Variants in CSMD1 observed in about 807,000 individuals in gnomAD.
CSMD1 encodes the protein CUB and sushi domain-containing protein 1.
Under a neutral mutation model 417.5 loss-of-function variants are expected in CSMD1, and 213 were observed. The ratio of observed to expected loss-of-function variants is 0.51; its 90% CI spans 0.46 to 0.57. The LOEUF is 0.57. Among genes scored for constraint, CSMD1 ranks in the 20% least tolerant of loss-of-function variants. CSMD1 has a pLI of 0.00. For synonymous variants in CSMD1, 2,862 were observed against 1,736.8 expected, an observed-to-expected ratio of 1.65 and a Z score of -16.11; for missense variants, 6,923 against 4,529.7, an observed-to-expected ratio of 1.53 and a Z score of -15.17.
rs566891126 is a variant in CSMD1, at chr8:4,327,546, T to C, written c.415+92407A>G. ...GTGTCAGGCTGTTCCAGCTCCAATG[T>C]TGGCTTTCCTGTGGGGCGCTCATCA... On this transcript the variant is annotated intron_variant, in intron 3 of 69. Coordinates refer to ENST00000635120, the MANE Select transcript of CSMD1 (RefSeq NM_033225.6). 7.9e-4 allele frequency among the ~76,000 whole-genome samples: 120 copies of C among 152,248 alleles called. 1 individual carries two copies. The highest frequency in any genetic ancestry group is 9.7e-4 in the Non-Finnish European group (66 of 68,018).
At chr8:2,943,651 A>C (rs1802036594) in intron 68 of CSMD1, among the ~76,000 whole-genome samples, 1 of 152,228 alleles carries the variant, frequency 6.6e-6, no homozygotes, top group South Asian at 2.1e-4. Flanking sequence ...GAAAGCAATA[A>C]AAACTCAAAT....
intron 3 of CSMD1, among the ~76,000 whole-genome samples, chr8:4,072,480 A>T (rs1012626482): frequency 3.9e-5 from 6 of 152,188 alleles, no homozygotes; most frequent in Non-Finnish European, 7.3e-5. Flanking sequence ...CTTGTAGTGA[A>T]GGGAATTGTG....
chr8:4,954,680 T>C (rs979058250), intron 1 of CSMD1, among the ~76,000 whole-genome samples: 16 of 152,344 alleles, frequency 1.1e-4, no homozygotes, highest in Non-Finnish European at 1.8e-4. Context: ...TGTGTGTGAA[T>C]GTTCCTTATA....
At chr8:3,251,166 A>G (rs2117031908) in intron 26 of CSMD1, among the ~76,000 whole-genome samples, 1 of 152,232 alleles carries the variant, frequency 6.6e-6, no homozygotes, top group East Asian at 1.9e-4. Context: ...GGTATTGCCT[A>G]GGTTTTCTTC....
At chr8:4,468,680 A>G (rs1350304075) in intron 2 of CSMD1, among the ~76,000 whole-genome samples, 1 of 151,980 alleles carries the variant, frequency 6.6e-6, no homozygotes, top group African/African-American at 2.4e-5. Context: ...CCTGGACTGT[A>G]TGTATCATAA....
At chr8:2,949,974 C>T (rs566383194) in intron 67 of CSMD1, among the ~76,000 whole-genome samples, 1 of 152,286 alleles carries the variant, frequency 6.6e-6, no homozygotes, top group Non-Finnish European at 1.5e-5. Context: ...CCCTGGATTT[C>T]AGGTCTTGTT....
At chr8:3,487,499 C>A (rs957739738) in intron 11 of CSMD1, among the ~76,000 whole-genome samples, 14 of 152,162 alleles carry the variant, frequency 9.2e-5, no homozygotes, top group African/African-American at 2.4e-4. Context: ...CCATGCCCGG[C>A]CTATCAGTAT....
chr8:3,938,299 G>A (rs17068083), intron 5 of CSMD1, among the ~76,000 whole-genome samples: 8,847 of 152,132 alleles, frequency 0.058, 299 homozygotes, highest in African/African-American at 0.078. Flanking sequence ...GCATGCTGGA[G>A]TTCCTTAAAT....
intron 10 of CSMD1, among the ~76,000 whole-genome samples, chr8:3,550,762 A>G (rs891154733): frequency 1.3e-4 from 20 of 152,266 alleles, no homozygotes; most frequent in Non-Finnish European, 2.6e-4. Context: ...CCAGGCTTGC[A>G]CCACATATTC....
At chr8:3,552,307 A>C (rs1406884035) in intron 10 of CSMD1, among the ~76,000 whole-genome samples, 1 of 152,164 alleles carries the variant, frequency 6.6e-6, no homozygotes, top group Non-Finnish European at 1.5e-5. Context: ...CATGGCATGA[A>C]AAAATAAGGT....
At chr8:4,015,955 T>G (rs1359326161) in intron 4 of CSMD1, among the ~76,000 whole-genome samples, 2 of 152,084 alleles carry the variant, frequency 1.3e-5, no homozygotes, top group East Asian at 3.9e-4. Context: ...CCCAAGAAGG[T>G]TGCCGTTGGA....
intron 2 of CSMD1, among the ~76,000 whole-genome samples, chr8:4,483,266 G>C (rs1049986654): frequency 3.9e-5 from 6 of 152,166 alleles, no homozygotes; most frequent in Non-Finnish European, 5.9e-5. Context: ...CAGCCATGTG[G>C]AACTGTGAGT....
chr8:4,418,269 C>A (rs553722925), intron 3 of CSMD1, among the ~76,000 whole-genome samples: 1 of 151,980 alleles, frequency 6.6e-6, no homozygotes, highest in Admixed American at 6.6e-5. Context: ...AACTTATGGC[C>A]CTATTCCATT....
intron 2 of CSMD1, among the ~76,000 whole-genome samples, chr8:4,447,738 T>A (rs933755729): frequency 6.6e-6 from 1 of 152,110 alleles, no homozygotes; most frequent in Admixed American, 6.5e-5. Flanking sequence ...GTCTCCAAAT[T>A]AAGATTTAAG....
chr8:4,832,111 G>A (rs1800190247), intron 1 of CSMD1, among the ~76,000 whole-genome samples: 1 of 152,164 alleles, frequency 6.6e-6, no homozygotes, highest in Non-Finnish European at 1.5e-5. Context: ...TTTGTGTACT[G>A]TTCACTGAAC....
chr8:3,678,131 G>A (rs1490483321), intron 7 of CSMD1, among the ~76,000 whole-genome samples: 2 of 152,090 alleles, frequency 1.3e-5, no homozygotes, highest in Admixed American at 1.3e-4. Flanking sequence ...GGTGATTTCT[G>A]CATTTCCAGC....
At chr8:4,419,830 A>G in intron 3 of CSMD1, 123 bp downstream of exon 3, 1 of 639,328 alleles carries the variant, frequency 1.6e-6, no homozygotes, top group Non-Finnish European at 2.8e-6. Flanking sequence ...CACAGAAGCC[A>G]AATGTCTACA....
chr8:4,499,372 G>C (rs972488376), intron 2 of CSMD1, among the ~76,000 whole-genome samples: 2 of 152,200 alleles, frequency 1.3e-5, no homozygotes, highest in Non-Finnish European at 2.9e-5. Flanking sequence ...AATACAAGCA[G>C]GCAAGTCTGC....
At chr8:2,942,836 A>G (rs1005875445) in intron 68 of CSMD1, among the ~76,000 whole-genome samples, 8 of 152,194 alleles carry the variant, frequency 5.3e-5, no homozygotes, top group African/African-American at 1.9e-4. Context: ...GAGTCTCAAC[A>G]TTTAAAATGT....
Sources: allele counts gnomAD v4.1 joint callset (sites outside exome capture counted in the v4.1 genomes callset), GRCh38; gene constraint gnomAD v4.1.1; transcripts MANE v1.5; gene names NCBI Gene and HGNC (gene_info 2026-07-23, HGNC 2026-07-21).